The following ACAP1 variants were observed in gnomAD, a reference collection of about 807,000 sequenced individuals.
The protein encoded by ACAP1 is arf-GAP with coiled-coil, ANK repeat and PH domain-containing protein 1.
Under a neutral mutation model 98.8 loss-of-function variants are expected in ACAP1, and 45 were observed. The ratio of observed to expected loss-of-function variants is 0.46; its 90% CI spans 0.36 to 0.58. The LOEUF (loss-of-function observed/expected upper bound fraction) is 0.58, where lower values mean the gene tolerates loss of function less well. ACAP1 is among the 20% of genes least tolerant of loss of function. The pLI, the probability that ACAP1 is intolerant of heterozygous loss-of-function variation, is 0.00. For synonymous variants in ACAP1, 362 were observed against 375.3 expected (o/e 0.96, Z 0.41); for missense variants, 735 against 971.4 (o/e 0.76, Z 3.24).
chr17:7,343,144 G>A lies in ACAP1; in HGVS notation c.345-235G>A, dbSNP rs926933193. The stretch of plus-strand genomic sequence containing the variant: ...GGGGAGTGAGATGGGAGAGAAGGGG[G>A]CCTTATTTCTCGGAAACCAGCCCTG... On this transcript the variant is annotated intron_variant, in intron 5 of 21. Coordinates refer to ENST00000158762, the MANE Select transcript of ACAP1 (RefSeq NM_014716.4). The surrounding 1 kb of genome is among the most constrained non-coding windows in gnomAD (Gnocchi z 4.9). 44 of 472,910 alleles carry A rather than the reference G, an allele frequency of 9.3e-5. No individual in the cohort carries two copies. Among genetic ancestry groups the A allele is most frequent in the African/African-American group, 8.3e-4 (42 of 50,472 alleles). 29.3% of individuals were successfully genotyped at this position (472,910 alleles called of 1,614,324 possible). A position where few individuals can be genotyped will look rare whatever the true frequency, so the allele number is the denominator to read the frequency against.
rs772138417 is a variant in ACAP1, at chr17:7,343,454, C to A, written c.420C>A (p.His140Gln). Residue 140 changes from histidine to glutamine, a missense_variant, in exon 6 of 22, where the codon CAC (histidine) becomes CAA (glutamine). Physicochemically the swap from His to Gln is conservative, Grantham distance 24. Coordinates refer to ENST00000158762, the MANE Select transcript of ACAP1 (RefSeq NM_014716.4). The surrounding 1 kb of genome is among the most constrained non-coding windows in gnomAD (Gnocchi z 4.9). ...GAESLEAALT[H>Q]NAEVPRRRAQ... ...AGAGCCTGGAGGCTGCCCTGACCCA[C>A]AACGCAGAGGTTCCCAGGCGCCGGG... The A allele has an allele frequency of 6.8e-6, 11 of 1,614,154 alleles. No individual in the cohort carries two copies. Among genetic ancestry groups the A allele is most frequent in the Non-Finnish European group, 9.3e-6 (11 of 1,180,034 alleles).
intron 17 of ACAP1, chr17:7,348,775 G>A: frequency 3.4e-6 from 2 of 591,198 alleles, no homozygotes. Flanking sequence ...TGGACCAGAT[G>A]AGGTGATGAT....
chr17:7,344,514 C>T lies in ACAP1; in HGVS notation c.745-25C>T. 6.6e-7 allele frequency: 1 copy of T among 1,522,798 alleles called. No homozygotes were observed. The highest frequency in any genetic ancestry group is 8.9e-7 in the Non-Finnish European group (1 of 1,121,998). 94.3% of individuals were successfully genotyped at this position (1,522,798 alleles called of 1,614,324 possible). ...CCTTGGTGTCTGCCCATCTCAGTTGCCCTTTGATCCTCTTGTGCCTCCAGG... is the reference window on the plus strand; with the variant it reads ...CCTTGGTGTCTGCCCATCTCAGTTGTCCTTTGATCCTCTTGTGCCTCCAGG... On this transcript the variant is annotated intron_variant, in intron 9 of 21. Coordinates refer to ENST00000158762, the MANE Select transcript of ACAP1 (RefSeq NM_014716.4). The surrounding 1 kb of genome is among the most constrained non-coding windows in gnomAD (Gnocchi z 4.9).
At chr17:7,336,971 A>C (rs1375486481) in intron 1 of ACAP1, among the ~76,000 whole-genome samples, 184 bp downstream of exon 1, 1 of 151,902 alleles carries the variant, frequency 6.6e-6, no homozygotes, top group Non-Finnish European at 1.5e-5. Context: ...CTGCCCCTGC[A>C]TGCTCCTCCT....
chr17:7,340,522 GACA>G (rs1375983727), intron 2 of ACAP1, among the ~76,000 whole-genome samples: 4 of 152,166 alleles, frequency 2.6e-5, no homozygotes, highest in Non-Finnish European at 5.9e-5. Context: ...CCTTGTCACA[GACA>G]ACCCATGGTG....
chr17:7,348,453 A>G lies in ACAP1; in HGVS notation c.1656A>G (p.Pro552=). 1 of 1,486,034 alleles carries G rather than the reference A, an allele frequency of 6.7e-7. No homozygotes were observed. The highest frequency in any genetic ancestry group is 1.4e-5 in the African/African-American group (1 of 71,358). 92.1% of individuals were successfully genotyped at this position (1,486,034 alleles called of 1,614,324 possible). The change falls in exon 17 of 22, where the codon CCA becomes CCG. Residue 552 remains proline, a synonymous_variant. Coordinates refer to ENST00000158762, the MANE Select transcript of ACAP1 (RefSeq NM_014716.4). The part of the protein sequence containing the change: ...VPPKPSIRPR[P]GSLRSKPEPP... Reference sequence around the variant, plus strand: ...CAAAGCCTTCCATCAGGCCCCGGCCAGGGAGCTTGAGATCCAAGCCAGGTA... The same window carrying G: ...CAAAGCCTTCCATCAGGCCCCGGCCGGGGAGCTTGAGATCCAAGCCAGGTA...
intron 17 of ACAP1, 62 bp downstream of exon 17, chr17:7,348,537 C>T (rs1268045722): frequency 4.2e-6 from 6 of 1,428,556 alleles, no homozygotes; most frequent in Admixed American, 3.0e-5. Flanking sequence ...TGCCAGGTAG[C>T]GCCGGGAGGC....
Position 7,343,460 on chromosome 17 carries a change from A to C in ACAP1, c.426A>C (p.Ala142=), listed in dbSNP as rs2073314036. The change falls in exon 6 of 22, where the codon GCA becomes GCC. Residue 142 remains alanine (A), a synonymous_variant. Transcript: ENST00000158762. This position sits in a 1 kb window ranked among gnomAD's most constrained non-coding sequence, Gnocchi z 4.9. ...TGGAGGCTGCCCTGACCCACAACGC[A>C]GAGGTTCCCAGGCGCCGGGCCCAGG... ...ESLEAALTHN[A]EVPRRRAQEA... 1.2e-6 allele frequency: 2 copies of C among 1,614,034 alleles called. No individual in the cohort carries two copies. The highest frequency in any genetic ancestry group is 2.2e-5 in the South Asian group (2 of 91,084).
At chr17:7,348,056 A>C in intron 15 of ACAP1, 65 bp downstream of exon 15, 1 of 1,610,390 alleles carries the variant, frequency 6.2e-7, no homozygotes, top group Non-Finnish European at 8.5e-7. Context: ...ATGGCGGTGC[A>C]GGGGCGTGAT....
At position 7,351,129 on chromosome 17, in the gene ACAP1, G is replaced by A. The variant is rs191406808; in HGVS notation, c.2122+130G>A. 132 of 1,142,198 alleles carry A rather than the reference G, an allele frequency of 1.2e-4. 1 individual carries two copies. In the African/African-American group the frequency reaches 1.7e-3, roughly 15 times the overall value. 70.8% of individuals were successfully genotyped at this position (1,142,198 alleles called of 1,614,324 possible). A position where few individuals can be genotyped will look rare whatever the true frequency, so the allele number is the denominator to read the frequency against. The stretch of plus-strand genomic sequence containing the variant: ...TTTAACAAATGCGTATTGGGCGCAT[G>A]CGACGTGCCAGGCCCTGGCAAGGCA... On this transcript the variant is annotated intron_variant, in intron 21 of 21. Coordinates refer to ENST00000158762, the MANE Select transcript of ACAP1 (RefSeq NM_014716.4).
At chr17:7,337,660 C>T (rs2073234917) in intron 2 of ACAP1, among the ~76,000 whole-genome samples, 1 of 152,072 alleles carries the variant, frequency 6.6e-6, no homozygotes, top group Admixed American at 6.6e-5. Context: ...TCTAGACCAG[C>T]CTGGCTAACA....
At chr17:7,346,967 G>A (rs2073352529) in intron 13 of ACAP1, 36 bp downstream of exon 13, 1 of 1,592,462 alleles carries the variant, frequency 6.3e-7, no homozygotes, top group Non-Finnish European at 8.6e-7. Flanking sequence ...CAGGCTGCCT[G>A]TGGAGATGGG....
chr17:7,343,123 A>G lies in ACAP1; in HGVS notation c.345-256A>G. On this transcript the variant is annotated intron_variant, in intron 5 of 21. Coordinates refer to ENST00000158762, the MANE Select transcript of ACAP1 (RefSeq NM_014716.4). This position sits in a 1 kb window ranked among gnomAD's most constrained non-coding sequence, Gnocchi z 4.9. ...AACAACAAAAATTTTTTAAAGGGGG[A>G]GTGAGATGGGAGAGAAGGGGGCCTT... 1 of 426,310 alleles carries G rather than the reference A, an allele frequency of 2.3e-6. No individual in the cohort carries two copies. Among genetic ancestry groups the G allele is most frequent in the Non-Finnish European group, 4.2e-6 (1 of 240,184 alleles). The allele number at this position is 426,310 out of a possible 1,614,324, so 26.4% of individuals were successfully genotyped here. A position where few individuals can be genotyped will look rare whatever the true frequency, so the allele number is the denominator to read the frequency against.
intron 14 of ACAP1, chr17:7,347,587 GC>G (rs1229004083): frequency 3.8e-6 from 2 of 525,218 alleles, no homozygotes; most frequent in Non-Finnish European, 6.8e-6. Context: ...TAAGGCCCTC[GC>G]CCCCCACCTC....
rs1020024339 is a variant in ACAP1 at position 7,350,409 on chromosome 17, G to A, written c.2072+172G>A. ...GCTCGAGAAAGGCTGCGCGAAGTGT[G>A]CACTGGGACGTGGAGTAGAAGGCAG... is the stretch of plus-strand genomic sequence containing the variant. On this transcript the variant is annotated intron_variant, in intron 20 of 21. Transcript: ENST00000158762. The surrounding 1 kb of genome is among the most constrained non-coding windows in gnomAD (Gnocchi z 4.6). 6 of 603,878 alleles carry A rather than the reference G, an allele frequency of 9.9e-6. No homozygotes were observed. The highest frequency in any genetic ancestry group is 1.7e-5 in the Non-Finnish European group (6 of 344,532). The allele number at this position is 603,878 out of a possible 1,614,324, so 37.4% of individuals were successfully genotyped here. A position where few individuals can be genotyped will look rare whatever the true frequency, so the allele number is the denominator to read the frequency against.
intron 2 of ACAP1, among the ~76,000 whole-genome samples, chr17:7,338,743 C>G (rs111923897): frequency 0.016 from 2,383 of 150,746 alleles, 63 homozygotes; most frequent in African/African-American, 0.054. Context: ...GATGGGGTCT[C>G]CCTATGTTAC....
chr17:7,336,709 G>T lies in ACAP1; in HGVS notation c.-26G>T, dbSNP rs557083590. The T allele has an allele frequency of 3.7e-6, 6 of 1,613,500 alleles. No homozygotes were observed. The highest frequency in any genetic ancestry group is 5.1e-6 in the Non-Finnish European group (6 of 1,179,636). ...CCCAGGGGCCCGGCCTCCAGGGCCC[G>T]CTGGCCCCACAGCAGGCAAGCTGAG... On this transcript the variant is annotated 5_prime_UTR_variant, in exon 1 of 22. Transcript: ENST00000158762.
chr17:7,339,470 C>T (rs901231572), intron 2 of ACAP1, among the ~76,000 whole-genome samples: 6 of 150,074 alleles, frequency 4.0e-5, no homozygotes, highest in African/African-American at 1.2e-4. Context: ...ATTAGCCAGG[C>T]GTGGTGGCAC....
chr17:7,348,803 C>T (rs949877132), intron 17 of ACAP1, 192 bp from the exon 18 acceptor site: 2 of 609,950 alleles, frequency 3.3e-6, no homozygotes, highest in Non-Finnish European at 5.7e-6. Flanking sequence ...CTCCCCCACA[C>T]CCTAGGGACT....
Sources: gnomAD v4.1 joint callset for allele counts (sites outside exome capture counted in the v4.1 genomes callset) on GRCh38, gnomAD v4.1.1 for gene constraint, Gnocchi (gnomAD v3.1) non-coding constraint, MANE v1.5 for transcripts, NCBI Gene and HGNC (gene_info 2026-07-23, HGNC 2026-07-21) for gene names.